The following CAMTA1 variants were observed in gnomAD, a reference collection of about 807,000 sequenced individuals.
CAMTA1 encodes the protein calmodulin binding transcription activator 1.
A neutral mutation model predicts 170.9 loss-of-function variants in CAMTA1; 27 were observed. The ratio of observed to expected loss-of-function variants is 0.16; its 90% CI spans 0.12 to 0.22. CAMTA1 has a LOEUF of 0.22. CAMTA1 is among the 10% of genes least tolerant of loss of function. The pLI is 1.00. For synonymous variants in CAMTA1, 833 were observed against 891.5 expected (o/e 0.93, Z 1.17); for missense variants, 1,619 against 2,217.2 (o/e 0.73, Z 5.42).
At chr1:6,895,587 G>A (rs1198255325) in intron 3 of CAMTA1, among the ~76,000 whole-genome samples, 1 of 152,206 alleles carries the variant, frequency 6.6e-6, no homozygotes, top group Admixed American at 6.5e-5. Context: ...GAATAATCTG[G>A]CCTCTGCCTC....
chr1:7,026,977 T>C (rs1295809519), intron 3 of CAMTA1, among the ~76,000 whole-genome samples: 1 of 152,142 alleles, frequency 6.6e-6, no homozygotes, highest in Non-Finnish European at 1.5e-5. Flanking sequence ...GCTACTTTAA[T>C]GTTCCTTCCC....
intron 3 of CAMTA1, among the ~76,000 whole-genome samples, chr1:6,876,300 A>G (rs1005742009): frequency 6.6e-6 from 1 of 151,942 alleles, no homozygotes; most frequent in Non-Finnish European, 1.5e-5. Flanking sequence ...GGTCCCTGAA[A>G]TCCTTCAGGT....
At chr1:6,827,521 G>A (rs544158969) in intron 3 of CAMTA1, among the ~76,000 whole-genome samples, 8 of 152,136 alleles carry the variant, frequency 5.3e-5, no homozygotes, top group Non-Finnish European at 1.0e-4. Context: ...GTTATGTGGC[G>A]ATGATAACCT....
intron 9 of CAMTA1, among the ~76,000 whole-genome samples, chr1:7,670,251 A>G (rs567070004): frequency 6.5e-4 from 99 of 151,956 alleles, no homozygotes; most frequent in African/African-American, 2.2e-3. Context: ...GCCCCGTTCC[A>G]CTCCCAGCCC....
chr1:7,072,094 A>G (rs1237954037), intron 3 of CAMTA1, among the ~76,000 whole-genome samples: 4 of 152,212 alleles, frequency 2.6e-5, no homozygotes. Context: ...AATCAGCCCT[A>G]TGACCACTCT....
intron 11 of CAMTA1, among the ~76,000 whole-genome samples, chr1:7,727,121 A>ATTTTT (rs71567310): frequency 1.5e-5 from 2 of 130,356 alleles, no homozygotes; most frequent in Non-Finnish European, 3.2e-5. Context: ...CCTTGTATTA[A>ATTTTT]TTTTTTTTTT....
intron 5 of CAMTA1, among the ~76,000 whole-genome samples, chr1:7,371,133 G>A (rs1255997541): frequency 3.3e-5 from 5 of 151,894 alleles, no homozygotes; most frequent in African/African-American, 7.3e-5. Flanking sequence ...GGTTGGTCTC[G>A]ATCTCCTGAC....
intron 5 of CAMTA1, among the ~76,000 whole-genome samples, chr1:7,309,675 T>C (rs1676166273): frequency 6.6e-6 from 1 of 152,150 alleles, no homozygotes; most frequent in Admixed American, 6.5e-5. Context: ...GAACAATTTT[T>C]AGTATTGTAT....
chr1:7,040,202 G>A (rs1311693652), intron 3 of CAMTA1, among the ~76,000 whole-genome samples: 1 of 150,168 alleles, frequency 6.7e-6, no homozygotes, highest in Non-Finnish European at 1.5e-5. Context: ...GAATAAAGTC[G>A]AAAGTTTCAA....
chr1:6,978,437 C>T (rs980128375), intron 3 of CAMTA1, among the ~76,000 whole-genome samples: 8 of 152,018 alleles, frequency 5.3e-5, no homozygotes, highest in African/African-American at 1.9e-4. Flanking sequence ...AGTTTGAGAC[C>T]AGCCTGGCCA....
intron 3 of CAMTA1, among the ~76,000 whole-genome samples, chr1:6,937,154 T>C (rs1180033409): frequency 6.7e-6 from 1 of 148,570 alleles, no homozygotes; most frequent in Non-Finnish European, 1.5e-5. Context: ...ATCACCATCA[T>C]CACCGTCATC....
Position 6,962,109 on chromosome 1 carries a change from CG to C in CAMTA1, c.235-129194del, listed in dbSNP as rs1690531958. 4.6e-5 allele frequency among the ~76,000 whole-genome samples: 7 copies of C among 152,326 alleles called. No individual in the cohort carries two copies. In the South Asian group the frequency reaches 1.4e-3, roughly 32 times the overall value. On this transcript the variant is annotated intron_variant, in intron 3 of 22. Coordinates refer to ENST00000303635, the MANE Select transcript of CAMTA1 (RefSeq NM_015215.4). ...CTGGAGCCTGCTGCTTTGGGCCTCA[CG>C]CCTCTGTCTCATGCCTCTGCCGGGG...
intron 3 of CAMTA1, among the ~76,000 whole-genome samples, chr1:7,076,071 T>C (rs1639265673): frequency 6.6e-6 from 1 of 152,208 alleles, no homozygotes; most frequent in Admixed American, 6.5e-5. Flanking sequence ...CCTTTAATGC[T>C]TGACCCAGAT....
intron 5 of CAMTA1, among the ~76,000 whole-genome samples, chr1:7,446,424 G>A: frequency 6.6e-6 from 1 of 152,206 alleles, no homozygotes; most frequent in East Asian, 1.9e-4. Context: ...GGCTCAGGAA[G>A]GGTGATACTC....
chr1:7,510,975 G>A (rs2094194710), intron 6 of CAMTA1, among the ~76,000 whole-genome samples: 3 of 144,758 alleles, frequency 2.1e-5, no homozygotes, highest in Admixed American at 2.1e-4. Context: ...ACCTTTTCCA[G>A]GGAGGCTCCT....
chr1:7,666,381 C>T (rs531953007), intron 9 of CAMTA1, among the ~76,000 whole-genome samples: 1 of 152,258 alleles, frequency 6.6e-6, no homozygotes, highest in East Asian at 1.9e-4. Flanking sequence ...AGGATTCCAA[C>T]GTGCACCCTC....
chr1:7,151,043 G>T (rs1006044587), intron 4 of CAMTA1, among the ~76,000 whole-genome samples: 3 of 152,210 alleles, frequency 2.0e-5, no homozygotes, highest in Non-Finnish European at 2.9e-5. Flanking sequence ...AAATCTGTTG[G>T]GGGGAGCACC....
chr1:7,369,466 A>T (rs1402258494), intron 5 of CAMTA1, among the ~76,000 whole-genome samples: 1 of 152,260 alleles, frequency 6.6e-6, no homozygotes, highest in East Asian at 1.9e-4. Context: ...ACTTGCTGAA[A>T]TCTGTTATGC....
At chr1:7,242,700 A>T (rs10746469) in intron 4 of CAMTA1, among the ~76,000 whole-genome samples, 1 of 151,622 alleles carries the variant, frequency 6.6e-6, no homozygotes, top group African/African-American at 2.4e-5. Context: ...AGGGTGAGGC[A>T]GGCAGATCAC....
Sources: allele counts gnomAD v4.1 joint callset (sites outside exome capture counted in the v4.1 genomes callset), GRCh38; gene constraint gnomAD v4.1.1; transcripts MANE v1.5; gene names NCBI Gene and HGNC (gene_info 2026-07-23, HGNC 2026-07-21).